KCNJ6: variants seen among roughly 807,000 people sequenced by gnomAD.
KCNJ6 encodes the protein G protein-activated inward rectifier potassium channel 2.
In KCNJ6, 9 loss-of-function variants were observed where a neutral mutation model predicts 34.2. That is an observed-to-expected ratio of 0.26 (90% CI 0.16 to 0.46). The LOEUF is 0.46. KCNJ6 is among the 20% of genes least tolerant of loss of function. The pLI is 1.00. For synonymous variants in KCNJ6, 196 were observed against 207.1 expected (o/e 0.95, Z 0.46); for missense variants, 236 against 531.3 (o/e 0.44, Z 5.46).
intron 3 of KCNJ6, among the ~76,000 whole-genome samples, chr21:37,659,525 G>T (rs2054478747): frequency 6.6e-6 from 1 of 152,242 alleles, no homozygotes; most frequent in Non-Finnish European, 1.5e-5. Context: ...AGAGAAAGAA[G>T]AGCGGAAAAC....
In KCNJ6 at chr21:37,715,130, A is replaced by G; in HGVS notation, c.27T>C (p.Thr9=). 6.2e-7 allele frequency: 1 copy of G among 1,606,868 alleles called. No homozygotes were observed. Among genetic ancestry groups the G allele is most frequent in the Non-Finnish European group, 8.5e-7 (1 of 1,176,604 alleles). ...CCATGGAGTCGCCCTCCAGGACGTT[A>G]GCTGGTGGTTTGGAGAAAAGAAAAG... The part of the protein sequence containing the change: MAKLTESM[T]NVLEGDSMDQ... Residue 9 remains threonine, a splice_region_variant and synonymous_variant, in exon 3 of 4, where the codon ACT becomes ACC. Transcript: ENST00000609713.
At chr21:37,771,887 G>A (rs2055119393) in intron 2 of KCNJ6, among the ~76,000 whole-genome samples, 1 of 152,080 alleles carries the variant, frequency 6.6e-6, no homozygotes. Context: ...GATTTTTCAT[G>A]GCCTCTACAA....
Position 37,608,196 on chromosome 21 carries a change from T to C in KCNJ6, c.*16963A>G, listed in dbSNP as rs946601035. The C allele has an allele frequency of 6.6e-6, 1 of 152,222 alleles. No homozygotes were observed. Among genetic ancestry groups the C allele is most frequent in the African/African-American group, 2.4e-5 (1 of 41,464 alleles). 9.4% of individuals were successfully genotyped at this position (152,222 alleles called of 1,614,324 possible). On this transcript the variant is annotated 3_prime_UTR_variant, in exon 4 of 4. Coordinates refer to ENST00000609713, the MANE Select transcript of KCNJ6 (RefSeq NM_002240.5). ...TTAGCACCAGTTTTCCAAATGCATA[T>C]TTTATCAAATCCTATGATCCTAGGC...
At chr21:37,667,550 C>T (rs529542996) in intron 3 of KCNJ6, among the ~76,000 whole-genome samples, 7 of 150,544 alleles carry the variant, frequency 4.6e-5, no homozygotes, top group Non-Finnish European at 8.9e-5. Context: ...GGGTAGCGGG[C>T]GCCGGGGTAG....
At chr21:37,832,696 G>A (rs140971963) in intron 2 of KCNJ6, among the ~76,000 whole-genome samples, 322 of 152,260 alleles carry the variant, frequency 2.1e-3, no homozygotes, top group African/African-American at 7.3e-3. Context: ...AACCTGCTCA[G>A]CTCTGTATCT....
chr21:37,914,657 G>A (rs1304789231), intron 1 of KCNJ6, among the ~76,000 whole-genome samples: 7 of 152,200 alleles, frequency 4.6e-5, no homozygotes, highest in Non-Finnish European at 1.0e-4. Context: ...TCTTTCTCCA[G>A]GCAAAATGGG....
intron 1 of KCNJ6, among the ~76,000 whole-genome samples, chr21:37,856,863 G>T (rs1483583450): frequency 1.3e-5 from 2 of 152,118 alleles, no homozygotes; most frequent in African/African-American, 4.8e-5. Flanking sequence ...TATTGACCTG[G>T]CTGGATGTAC....
chr21:37,641,292 A>C (rs2054379835), intron 3 of KCNJ6, among the ~76,000 whole-genome samples: 1 of 152,176 alleles, frequency 6.6e-6, no homozygotes, highest in Non-Finnish European at 1.5e-5. Flanking sequence ...CCAGCTGGTA[A>C]TAATTTCATT....
At chr21:37,759,655 A>G (rs1296543095) in intron 2 of KCNJ6, among the ~76,000 whole-genome samples, 3 of 152,196 alleles carry the variant, frequency 2.0e-5, no homozygotes, top group Non-Finnish European at 4.4e-5. Flanking sequence ...TCTTCTCCAT[A>G]GAACCTTCTC....
chr21:37,908,515 G>A (rs1438248629), intron 1 of KCNJ6, among the ~76,000 whole-genome samples: 1 of 152,228 alleles, frequency 6.6e-6, no homozygotes, highest in African/African-American at 2.4e-5. Flanking sequence ...TTAGAAGACA[G>A]CATCTAATTC....
chr21:37,877,244 C>A (rs974886755), intron 1 of KCNJ6, among the ~76,000 whole-genome samples: 2 of 152,144 alleles, frequency 1.3e-5, no homozygotes, highest in Non-Finnish European at 2.9e-5. Flanking sequence ...CTCCCCAGGT[C>A]TCTCCTGATA....
chr21:37,773,464 A>AGT (rs2055127439), intron 2 of KCNJ6, among the ~76,000 whole-genome samples: 1 of 152,074 alleles, frequency 6.6e-6, no homozygotes, highest in Non-Finnish European at 1.5e-5. Context: ...GAGCAGAGGG[A>AGT]AGGTGTGAAG....
chr21:37,618,942 G>A lies in KCNJ6; in HGVS notation c.*6217C>T, dbSNP rs537187265. The stretch of plus-strand genomic sequence containing the variant: ...ACATTTATTTAAGTTTTATGGTGTT[G>A]AACTTTGAGATTTGTTTCCTCCCAC... On this transcript the variant is annotated 3_prime_UTR_variant, in exon 4 of 4. Coordinates refer to ENST00000609713, the MANE Select transcript of KCNJ6 (RefSeq NM_002240.5). 1.1e-3 allele frequency: 172 copies of A among 152,318 alleles called. 1 individual carries two copies. Among genetic ancestry groups the A allele is most frequent in the African/African-American group, 3.9e-3 (164 of 41,580 alleles). 9.4% of individuals were successfully genotyped at this position (152,318 alleles called of 1,614,324 possible).
At chr21:37,678,038 A>G (rs2054574657) in intron 3 of KCNJ6, among the ~76,000 whole-genome samples, 1 of 152,116 alleles carries the variant, frequency 6.6e-6, no homozygotes. Flanking sequence ...CTAGAAATTC[A>G]CAAAACAAAG....
chr21:37,846,586 C>T (rs1429396900), intron 1 of KCNJ6, among the ~76,000 whole-genome samples: 2 of 151,750 alleles, frequency 1.3e-5, no homozygotes, highest in African/African-American at 4.8e-5. Flanking sequence ...CAGAAGTAGG[C>T]TTTTAAGGAT....
intron 1 of KCNJ6, among the ~76,000 whole-genome samples, chr21:37,886,386 C>A (rs1300759770): frequency 2.0e-5 from 3 of 152,140 alleles, no homozygotes; most frequent in African/African-American, 7.2e-5. Context: ...CAGGTCCTTG[C>A]TGCCATGGAC....
chr21:37,845,317 A>G (rs563899417), intron 1 of KCNJ6, among the ~76,000 whole-genome samples: 1 of 152,356 alleles, frequency 6.6e-6, no homozygotes, highest in East Asian at 1.9e-4. Flanking sequence ...GGGAGAAAAG[A>G]ACTTACTTTG....
intron 3 of KCNJ6, among the ~76,000 whole-genome samples, chr21:37,644,563 T>TC (rs1569436216): frequency 6.6e-6 from 1 of 152,092 alleles, no homozygotes; most frequent in Admixed American, 6.5e-5. Context: ...TGTAAACCTC[T>TC]CCCCCCGACA....
chr21:37,744,318 T>A (rs2054956255), intron 2 of KCNJ6, among the ~76,000 whole-genome samples: 2 of 151,468 alleles, frequency 1.3e-5, no homozygotes, highest in South Asian at 4.2e-4. Context: ...ATAATAATAA[T>A]AAAATAAAAA....
Sources: allele counts gnomAD v4.1 joint callset (sites outside exome capture counted in the v4.1 genomes callset), GRCh38; gene constraint gnomAD v4.1.1; transcripts MANE v1.5; gene names NCBI Gene and HGNC (gene_info 2026-07-23, HGNC 2026-07-21).